Variants in WWOX observed in about 807,000 individuals in gnomAD.
WWOX encodes the protein WW domain containing oxidoreductase.
A neutral mutation model predicts 46.2 loss-of-function variants in WWOX; 69 were observed. The observed-to-expected ratio is 1.49, with a 90% CI of 1.23 to 1.82. The LOEUF is 1.82. Ranked by LOEUF, WWOX falls within the 40% of genes most tolerant of loss-of-function variation. The probability of loss-of-function intolerance (pLI) is 0.00; values close to 1 mark genes in which losing one functional copy is unlikely to be tolerated. For synonymous variants in WWOX, 359 were observed against 202.6 expected (o/e 1.77, Z -6.56); for missense variants, 919 against 542.6 (o/e 1.69, Z -6.89).
intron 8 of WWOX, among the ~76,000 whole-genome samples, chr16:78,456,050 G>A (rs1372243985): frequency 6.6e-6 from 1 of 152,178 alleles, no homozygotes; most frequent in East Asian, 1.9e-4. Flanking sequence ...GGAGCTTAGA[G>A]GGAATCAGTG....
chr16:78,318,066 G>C (rs1371281789), intron 5 of WWOX, among the ~76,000 whole-genome samples: 3 of 152,080 alleles, frequency 2.0e-5, no homozygotes, highest in Admixed American at 6.5e-5. Context: ...CGTAGAAATT[G>C]GTTCTAACAA....
intron 8 of WWOX, among the ~76,000 whole-genome samples, chr16:78,791,208 CG>C (rs2050589476): frequency 6.6e-6 from 1 of 151,854 alleles, no homozygotes; most frequent in African/African-American, 2.4e-5. Flanking sequence ...CGTAAGGTGC[CG>C]GGACAGGGCG....
At chr16:78,792,101 C>G (rs776300206) in intron 8 of WWOX, among the ~76,000 whole-genome samples, 2 of 152,128 alleles carry the variant, frequency 1.3e-5, no homozygotes, top group Admixed American at 6.5e-5. Context: ...GCCTGTATCC[C>G]TTAGTCATTG....
intron 8 of WWOX, among the ~76,000 whole-genome samples, chr16:78,828,483 A>G (rs1025041221): frequency 1.3e-5 from 2 of 152,096 alleles, no homozygotes; most frequent in African/African-American, 4.8e-5. Flanking sequence ...TCTACCATCT[A>G]AAGTCCAGCA....
chr16:78,258,278 C>T (rs1392181569), intron 5 of WWOX, among the ~76,000 whole-genome samples: 5 of 151,996 alleles, frequency 3.3e-5, no homozygotes, highest in Non-Finnish European at 4.4e-5. Context: ...CAAATTCTAC[C>T]GTATATTGTT....
intron 8 of WWOX, among the ~76,000 whole-genome samples, chr16:78,950,575 A>G (rs2046040653): frequency 6.6e-6 from 1 of 150,726 alleles, no homozygotes. Context: ...CGTTTCTGGT[A>G]TTAGGAAATG....
intron 4 of WWOX, 151 bp from the exon 5 acceptor site, chr16:78,164,032 C>A (rs1198008174): frequency 1.3e-6 from 1 of 749,352 alleles, no homozygotes; most frequent in African/African-American, 1.7e-5. Flanking sequence ...CTGAAAATGT[C>A]TCCAGACATT....
At chr16:78,788,848 C>T (rs1284937203) in intron 8 of WWOX, among the ~76,000 whole-genome samples, 2 of 152,176 alleles carry the variant, frequency 1.3e-5, no homozygotes, top group African/African-American at 2.4e-5. Flanking sequence ...CTCCAACCTC[C>T]AACTAACTCC....
intron 8 of WWOX, among the ~76,000 whole-genome samples, chr16:78,583,193 T>G (rs1432106762): frequency 6.6e-6 from 1 of 152,190 alleles, no homozygotes; most frequent in African/African-American, 2.4e-5. Context: ...TGTGTGTTCC[T>G]GAAACTCAGG....
intron 8 of WWOX, among the ~76,000 whole-genome samples, chr16:78,951,334 C>A (rs1322944744): frequency 2.2e-4 from 1 of 4,560 alleles, no homozygotes; most frequent in Non-Finnish European, 4.2e-3. Flanking sequence ...AAGCTCCTTT[C>A]CTATAGCTTC....
intron 8 of WWOX, among the ~76,000 whole-genome samples, chr16:79,208,637 T>TTTG (rs2051604492): frequency 6.6e-6 from 1 of 151,710 alleles, no homozygotes; most frequent in Admixed American, 6.6e-5. Flanking sequence ...TTAAATTTTT[T>TTTG]TTTTAATCAG....
chr16:78,329,631 C>T (rs948652421), intron 5 of WWOX, among the ~76,000 whole-genome samples: 18 of 152,158 alleles, frequency 1.2e-4, no homozygotes, highest in South Asian at 4.1e-4. Context: ...TTCCTGCACA[C>T]GCTTAAGGGA....
chr16:78,314,341 G>A (rs1433089589), intron 5 of WWOX, among the ~76,000 whole-genome samples: 1 of 148,730 alleles, frequency 6.7e-6, no homozygotes, highest in Non-Finnish European at 1.5e-5. Flanking sequence ...AGGACGCAGA[G>A]GTTGCAGTGA....
chr16:78,217,983 C>G (rs2036777004), intron 5 of WWOX, among the ~76,000 whole-genome samples: 1 of 152,182 alleles, frequency 6.6e-6, no homozygotes, highest in African/African-American at 2.4e-5. Context: ...CCACAAAAAG[C>G]AGAGGCCAAC....
chr16:78,099,697 C>T lies in WWOX; in HGVS notation c.-82C>T. On this transcript the variant is annotated 5_prime_UTR_variant, in exon 1 of 9. Coordinates refer to ENST00000566780, the MANE Select transcript of WWOX (RefSeq NM_016373.4). ...CGGTCGGGCCCCGACGCGCGCGGGT[C>T]TCGTTTGGAGCGGGAGTGAGTTCCT... is the stretch of plus-strand genomic sequence containing the variant. 6.9e-7 allele frequency: 1 copy of T among 1,452,126 alleles called. No individual in the cohort carries two copies. The highest frequency in any genetic ancestry group is 9.1e-7 in the Non-Finnish European group (1 of 1,102,104). The allele number at this position is 1,452,126 out of a possible 1,614,324, so 90.0% of individuals were successfully genotyped here.
At chr16:78,410,275 C>A (rs1380539188) in intron 6 of WWOX, among the ~76,000 whole-genome samples, 1 of 152,150 alleles carries the variant, frequency 6.6e-6, no homozygotes, top group Non-Finnish European at 1.5e-5. Flanking sequence ...AATTATCCAG[C>A]CTCAGTTACT....
At chr16:78,208,338 A>G (rs1293461482) in intron 5 of WWOX, among the ~76,000 whole-genome samples, 2 of 152,176 alleles carry the variant, frequency 1.3e-5, no homozygotes, top group Non-Finnish European at 2.9e-5. Flanking sequence ...TGAAATAAAT[A>G]CTCTTGAATT....
chr16:78,731,862 T>TTTTTTTTTTTG (rs34201735), intron 8 of WWOX, among the ~76,000 whole-genome samples: 12 of 137,800 alleles, frequency 8.7e-5, no homozygotes, highest in African/African-American at 1.6e-4. Flanking sequence ...TTTTTTTTTT[T>TTTTTTTTTTTG]TGAGAGACAG....
chr16:78,204,891 A>G (rs1015188330), intron 5 of WWOX, among the ~76,000 whole-genome samples: 1 of 152,206 alleles, frequency 6.6e-6, no homozygotes, highest in Non-Finnish European at 1.5e-5. Flanking sequence ...TTAGACCACC[A>G]TATTTTCTAA....
Sources: gnomAD v4.1 joint callset for allele counts (sites outside exome capture counted in the v4.1 genomes callset) on GRCh38, gnomAD v4.1.1 for gene constraint, MANE v1.5 for transcripts, NCBI Gene and HGNC (gene_info 2026-07-23, HGNC 2026-07-21) for gene names.